Variants in HNF4G observed in about 807,000 individuals in gnomAD.
HNF4G encodes the protein hepatocyte nuclear factor 4-gamma.
In HNF4G, 21 loss-of-function variants were observed where a neutral mutation model predicts 50.9. That is an observed-to-expected ratio of 0.41 (90% CI 0.29 to 0.59). The LOEUF (loss-of-function observed/expected upper bound fraction) is 0.59, where lower values mean the gene tolerates loss of function less well. Among genes scored for constraint, HNF4G ranks in the 20% least tolerant of loss-of-function variants. The probability of loss-of-function intolerance (pLI) is 0.26; values close to 1 mark genes in which losing one functional copy is unlikely to be tolerated. For synonymous variants in HNF4G, 198 were observed against 185.6 expected (o/e 1.07, Z -0.54); for missense variants, 527 against 559.4 (o/e 0.94, Z 0.58).
chr8:75,491,449 T>C (rs901090879), intron 2 of HNF4G, among the ~76,000 whole-genome samples: 3 of 152,060 alleles, frequency 2.0e-5, no homozygotes, highest in South Asian at 2.1e-4. Flanking sequence ...AACACACTTC[T>C]AAAATCACTA....
At chr8:75,475,340 A>G (rs543423595) in intron 1 of HNF4G, among the ~76,000 whole-genome samples, 2 of 152,326 alleles carry the variant, frequency 1.3e-5, no homozygotes, top group Admixed American at 6.5e-5. Context: ...CCATGGCTTA[A>G]GTTATTTATT....
At chr8:75,530,393 C>G (rs1806296954) in intron 2 of HNF4G, among the ~76,000 whole-genome samples, 1 of 149,396 alleles carries the variant, frequency 6.7e-6, no homozygotes, top group African/African-American at 2.5e-5. Flanking sequence ...CTCAGGCAGG[C>G]AGATCTGGAT....
chr8:75,552,572 G>T (rs1806990305), intron 4 of HNF4G, among the ~76,000 whole-genome samples: 1 of 151,958 alleles, frequency 6.6e-6, no homozygotes. Flanking sequence ...GAGACAAATA[G>T]TTCTTGCTTC....
At chr8:75,536,839 T>C (rs1806480297), upstream of HNF4G, among the ~76,000 whole-genome samples, 1 of 152,074 alleles carries the variant, frequency 6.6e-6, no homozygotes, top group South Asian at 2.1e-4. Flanking sequence ...TTTTTTTCTT[T>C]CTCATCCACC....
At chr8:75,514,440 C>T (rs190624530) in intron 2 of HNF4G, among the ~76,000 whole-genome samples, 82 of 149,714 alleles carry the variant, frequency 5.5e-4, no homozygotes, top group African/African-American at 1.9e-3. Context: ...GCAACCTCCA[C>T]CTCCCGGGTT....
At chr8:75,492,874 A>G (rs191443985) in intron 2 of HNF4G, among the ~76,000 whole-genome samples, 25 of 152,026 alleles carry the variant, frequency 1.6e-4, no homozygotes, top group Non-Finnish European at 3.4e-4. Context: ...TCATCCAAGC[A>G]CTCTCTGCCT....
At chr8:75,408,486 C>G (rs569370283) in intron 1 of HNF4G, among the ~76,000 whole-genome samples, 10 of 152,194 alleles carry the variant, frequency 6.6e-5, no homozygotes, top group Non-Finnish European at 1.5e-4. Context: ...GTCTCAGCTT[C>G]CATCCATCTC....
chr8:75,474,850 A>G (rs918979415), intron 1 of HNF4G, among the ~76,000 whole-genome samples: 2 of 151,742 alleles, frequency 1.3e-5, no homozygotes, highest in African/African-American at 4.8e-5. Context: ...GGTGCCTGCC[A>G]CCACGCCCAA....
At chr8:75,486,775 G>C (rs1158474208) in intron 1 of HNF4G, among the ~76,000 whole-genome samples, 4 of 152,104 alleles carry the variant, frequency 2.6e-5, no homozygotes, top group African/African-American at 9.7e-5. Context: ...AGGTTGAGCC[G>C]GGAGGATCTC....
intron 1 of HNF4G, among the ~76,000 whole-genome samples, chr8:75,418,597 G>A (rs948619762): frequency 5.3e-5 from 8 of 151,928 alleles, no homozygotes; most frequent in African/African-American, 1.9e-4. Context: ...TTCCCCCTTT[G>A]ACAAGTCCTT....
chr8:75,522,767 CTAA>C (rs1358135603), intron 2 of HNF4G, among the ~76,000 whole-genome samples: 1 of 152,106 alleles, frequency 6.6e-6, no homozygotes, highest in Non-Finnish European at 1.5e-5. Flanking sequence ...GATGATTTCT[CTAA>C]TATGTTACCT....
chr8:75,481,647 A>T (rs916466532), intron 1 of HNF4G, among the ~76,000 whole-genome samples: 3 of 152,172 alleles, frequency 2.0e-5, no homozygotes, highest in Non-Finnish European at 4.4e-5. Context: ...ACTTTCTAGG[A>T]TGTACACATT....
chr8:75,435,871 G>A (rs1811124559), intron 1 of HNF4G, among the ~76,000 whole-genome samples: 1 of 152,132 alleles, frequency 6.6e-6, no homozygotes, highest in Non-Finnish European at 1.5e-5. Flanking sequence ...TGGAATTACA[G>A]GTGTGAGCCA....
At chr8:75,554,684 T>TAG (rs1807063791) in intron 5 of HNF4G, among the ~76,000 whole-genome samples, 1 of 152,184 alleles carries the variant, frequency 6.6e-6, no homozygotes, top group Admixed American at 6.5e-5. Flanking sequence ...AATACAGATT[T>TAG]CTTCACTATT....
At chr8:75,410,427 G>A (rs1290461177) in intron 1 of HNF4G, among the ~76,000 whole-genome samples, 1 of 151,998 alleles carries the variant, frequency 6.6e-6, no homozygotes, top group Admixed American at 6.6e-5. Context: ...TGGGGAGTTC[G>A]GGAATTTTTC....
At position 75,558,803 on chromosome 8, in the gene HNF4G, G is replaced by A. The variant is rs763679635; in HGVS notation, c.889G>A (p.Ala297Thr). 1 of 1,612,578 alleles carries A rather than the reference G, an allele frequency of 6.2e-7. No individual in the cohort carries two copies. The highest frequency in any genetic ancestry group is 1.1e-5 in the South Asian group (1 of 91,050). Residue 297 changes from alanine (A) to threonine (T), a missense_variant and splice_region_variant, in exon 8 of 10, where the codon GCA (alanine) becomes ACA (threonine). Ala to Thr is a moderately conservative substitution (Grantham distance 58). Around this residue, in one of 5 missense-constraint regions of HNF4G, gnomAD observed 308 missense variants for 301.5 expected, o/e 1.02. Transcript: ENST00000396423. The stretch of plus-strand genomic sequence containing the variant: ...TGCCTCTCTTATTCCTTTGTTAGAT[G>A]CAAAAGGGCTAAGCGATCCAGTAAA... ...LKAIVFFDPD[A>T]KGLSDPVKIK... is the part of the protein sequence containing the mutation.
chr8:75,499,269 A>G (rs1043817101), intron 2 of HNF4G, among the ~76,000 whole-genome samples: 3 of 152,078 alleles, frequency 2.0e-5, no homozygotes, highest in African/African-American at 7.2e-5. Flanking sequence ...TAAGAAAATA[A>G]TTTCATTAAC....
chr8:75,427,734 G>T (rs963583808), intron 1 of HNF4G, among the ~76,000 whole-genome samples: 1 of 151,904 alleles, frequency 6.6e-6, no homozygotes, highest in African/African-American at 2.4e-5. Context: ...CTTTGATTTA[G>T]ATAATAGCAG....
intron 1 of HNF4G, among the ~76,000 whole-genome samples, chr8:75,484,692 G>A (rs886111720): frequency 6.6e-6 from 1 of 152,180 alleles, no homozygotes; most frequent in East Asian, 1.9e-4. Context: ...TAGACTATCA[G>A]CTTCACTGAA....
Sources: gnomAD v4.1 joint callset for allele counts (sites outside exome capture counted in the v4.1 genomes callset) on GRCh38, gnomAD v4.1.1 for gene constraint, gnomAD v4.1.1 regional missense constraint, MANE v1.5 for transcripts, NCBI Gene and HGNC (gene_info 2026-07-23, HGNC 2026-07-21) for gene names.